The following TMEM135 variants were observed in gnomAD, a reference collection of about 807,000 sequenced individuals.
The protein encoded by TMEM135 is transmembrane protein 135, also known as peroxisomal membrane protein 52.
Under a neutral mutation model 60.3 loss-of-function variants are expected in TMEM135, and 30 were observed. That is an observed-to-expected ratio of 0.50 (90% CI 0.37 to 0.68). The LOEUF (loss-of-function observed/expected upper bound fraction) is 0.68. Among genes scored for constraint, TMEM135 ranks in the 30% least tolerant of loss-of-function variants. The pLI, the probability that TMEM135 is intolerant of heterozygous loss-of-function variation, is 0.00. For missense variants in TMEM135, 468 were observed against 548.8 expected, an observed-to-expected ratio of 0.85 and a Z score of 1.47; for synonymous variants, 190 against 186.7, an observed-to-expected ratio of 1.02 and a Z score of -0.14.
intron 5 of TMEM135, among the ~76,000 whole-genome samples, chr11:87,222,539 C>G (rs1456948132): frequency 1.3e-5 from 2 of 151,826 alleles, no homozygotes; most frequent in African/African-American, 4.8e-5. Flanking sequence ...CGTGGTGGCC[C>G]ACGCCTCTTA....
At chr11:87,271,888 A>C (rs546908446) in intron 6 of TMEM135, among the ~76,000 whole-genome samples, 1 of 151,890 alleles carries the variant, frequency 6.6e-6, no homozygotes, top group African/African-American at 2.4e-5. Flanking sequence ...TTGAGCAGAG[A>C]TCATGCCACT....
intron 4 of TMEM135, among the ~76,000 whole-genome samples, chr11:87,131,770 T>C (rs502079): frequency 0.48 from 72,106 of 151,554 alleles, 17,397 homozygotes; most frequent in East Asian, 0.67. Context: ...CCAGCAATAC[T>C]GGTCCGTGGC....
At chr11:87,165,703 A>T (rs1939019196) in intron 5 of TMEM135, among the ~76,000 whole-genome samples, 3 of 151,594 alleles carry the variant, frequency 2.0e-5, no homozygotes, top group Admixed American at 1.3e-4. Context: ...GAGCAAATAC[A>T]TTCAAAAGCT....
chr11:87,241,753 G>C (rs1467042432), intron 6 of TMEM135, among the ~76,000 whole-genome samples: 12 of 151,880 alleles, frequency 7.9e-5, no homozygotes, highest in African/African-American at 2.7e-4. Context: ...ATAAATGAGG[G>C]AGAGAACATG....
intron 5 of TMEM135, chr11:87,157,738 C>T (rs1938740993): frequency 4.2e-6 from 1 of 239,894 alleles, no homozygotes; most frequent in Non-Finnish European, 8.1e-6. Context: ...TTGTGTTATA[C>T]AGAACTGATA....
intron 1 of TMEM135, among the ~76,000 whole-genome samples, chr11:87,038,827 C>T (rs1949727193): frequency 6.7e-6 from 1 of 150,198 alleles, no homozygotes; most frequent in African/African-American, 2.5e-5. Flanking sequence ...GGACATCTGA[C>T]TTTGTGTCAC....
In TMEM135 at chr11:87,044,796, C is replaced by T. The variant is rs546715966; in HGVS notation, c.141+6610C>T. Among the ~76,000 whole-genome samples the T allele has an allele frequency of 5.6e-4, 84 of 150,984 alleles. 1 individual carries two copies. Among genetic ancestry groups the T allele is most frequent in the African/African-American group, 1.8e-3 (72 of 40,984 alleles). On this transcript the variant is annotated intron_variant, in intron 1 of 14. Transcript: ENST00000305494. ...CTGCCGAGTAGCTGGGACTACAGGC[C>T]GCGCCACCACGCCCAGCTAATTTTT...
At chr11:87,314,683 C>T in intron 12 of TMEM135, 136 bp downstream of exon 12, 1 of 705,186 alleles carries the variant, frequency 1.4e-6, no homozygotes, top group Admixed American at 2.2e-5. Context: ...AGTTGATTCC[C>T]CTGTGTTTTT....
intron 4 of TMEM135, among the ~76,000 whole-genome samples, chr11:87,150,085 C>T (rs620303): frequency 0.37 from 55,761 of 151,546 alleles, 10,787 homozygotes; most frequent in East Asian, 0.67. Context: ...GGCATGGTGG[C>T]ACATGCCTGT....
intron 6 of TMEM135, among the ~76,000 whole-genome samples, chr11:87,255,180 G>A (rs1241378525): frequency 1.3e-5 from 2 of 152,142 alleles, no homozygotes; most frequent in Admixed American, 6.6e-5. Context: ...GGATCTTGGA[G>A]TATAGAGTGG....
At chr11:87,222,345 A>C (rs1201744632) in intron 5 of TMEM135, among the ~76,000 whole-genome samples, 2 of 148,304 alleles carry the variant, frequency 1.3e-5, no homozygotes. Context: ...AAATGCAAAA[A>C]AAATTCGCTG....
chr11:87,138,085 T>TTCC (rs1938155135), intron 4 of TMEM135, among the ~76,000 whole-genome samples: 2 of 113,570 alleles, frequency 1.8e-5, no homozygotes, highest in South Asian at 5.9e-4. Flanking sequence ...ACCAAGTTGA[T>TTCC]TTCTTTTTTT....
Position 87,064,234 on chromosome 11 carries a change from A to G in TMEM135, c.142-3460A>G, listed in dbSNP as rs1005632272. Among the ~76,000 whole-genome samples, 3 of 147,110 alleles carry G rather than the reference A, an allele frequency of 2.0e-5. No homozygotes were observed. In the East Asian group the frequency reaches 5.9e-4, roughly 29 times the overall value. ...TGACTAATGGTGCTGGTAGCCTTTT[A>G]TATGCCTATTGGTCATGCGAATGAC... is the stretch of plus-strand genomic sequence containing the variant. On this transcript the variant is annotated intron_variant, in intron 1 of 14. Transcript: ENST00000305494.
chr11:87,295,080 G>A (rs1942326749), intron 6 of TMEM135, among the ~76,000 whole-genome samples: 1 of 152,116 alleles, frequency 6.6e-6, no homozygotes, highest in Non-Finnish European at 1.5e-5. Context: ...TTGAGCCTCT[G>A]TGTAGCAATG....
chr11:87,280,925 A>G (rs1002028221), intron 6 of TMEM135, among the ~76,000 whole-genome samples: 22 of 152,188 alleles, frequency 1.4e-4, no homozygotes, highest in Non-Finnish European at 3.1e-4. Flanking sequence ...TATCAGCCGT[A>G]TCCGCCTTCC....
chr11:87,197,868 A>G (rs1939996516), intron 5 of TMEM135, among the ~76,000 whole-genome samples: 1 of 152,178 alleles, frequency 6.6e-6, no homozygotes, highest in Non-Finnish European at 1.5e-5. Context: ...TTGGGAAAAC[A>G]GTTAAATTAA....
chr11:87,281,157 A>G (rs1321322348), intron 6 of TMEM135, among the ~76,000 whole-genome samples: 2 of 152,212 alleles, frequency 1.3e-5, no homozygotes, highest in Non-Finnish European at 2.9e-5. Context: ...GAGGTACTTG[A>G]TGTAAAATAA....
In TMEM135 at chr11:87,138,769, G is replaced by A. The variant is rs564449614; in HGVS notation, c.397-18572G>A. 7.9e-5 allele frequency among the ~76,000 whole-genome samples: 12 copies of A among 152,332 alleles called. 1 individual carries two copies. In the South Asian group the frequency reaches 1.2e-3, roughly 16 times the overall value. On this transcript the variant is annotated intron_variant, in intron 4 of 14. Coordinates refer to ENST00000305494, the MANE Select transcript of TMEM135 (RefSeq NM_022918.4). ...ATGGTGGATGGGAACACAGGTGCAA[G>A]AGCACTCATCTGCAAGTAAAGGTGA...
intron 5 of TMEM135, among the ~76,000 whole-genome samples, chr11:87,211,066 T>C (rs1034409311): frequency 2.0e-5 from 3 of 152,184 alleles, no homozygotes; most frequent in African/African-American, 7.2e-5. Context: ...AGCTGAAGCA[T>C]TCCCCTTGAG....
Sources: allele counts gnomAD v4.1 joint callset (sites outside exome capture counted in the v4.1 genomes callset), GRCh38; gene constraint gnomAD v4.1.1; transcripts MANE v1.5; gene names NCBI Gene and HGNC (gene_info 2026-07-23, HGNC 2026-07-21).